The following AGAP1 variants were observed in gnomAD, a reference collection of about 807,000 sequenced individuals.
AGAP1 encodes the protein arf-GAP with GTPase, ANK repeat and PH domain-containing protein 1.
Under a neutral mutation model 105.3 loss-of-function variants are expected in AGAP1, and 29 were observed. The observed-to-expected ratio is 0.28, with a 90% CI of 0.21 to 0.38. The LOEUF (loss-of-function observed/expected upper bound fraction) is 0.38. AGAP1 is among the 10% of genes least tolerant of loss of function. The probability of loss-of-function intolerance (pLI) is 1.00; values close to 1 mark genes in which losing one functional copy is unlikely to be tolerated. For synonymous variants in AGAP1, 509 were observed against 485.9 expected, an observed-to-expected ratio of 1.05 and a Z score of -0.63; for missense variants, 998 against 1,165.1, an observed-to-expected ratio of 0.86 and a Z score of 2.09.
intron 1 of AGAP1, chr2:235,524,481 G>T: frequency 3.1e-6 from 1 of 322,362 alleles, no homozygotes. Flanking sequence ...GATGCGATGG[G>T]CAGTTGCTTG....
intron 6 of AGAP1, among the ~76,000 whole-genome samples, chr2:235,774,847 GTGAT>G (rs546434869): frequency 6.6e-6 from 1 of 152,156 alleles, no homozygotes; most frequent in South Asian, 2.1e-4. Context: ...GTTGATCTGA[GTGAT>G]TGGCGCCTGC....
rs191453692 is a variant in AGAP1 at position 236,121,957 on chromosome 2, C to G, written c.2370+1510C>G. Among the ~76,000 whole-genome samples the G allele has an allele frequency of 6.7e-6, 1 of 149,836 alleles. No individual in the cohort carries two copies. The highest frequency in any genetic ancestry group is 2.2e-4 in the South Asian group (1 of 4,610). ...CTGGTAGCTCTCTCCTTTCCCCCCA[C>G]CCCCTTCTTTTTGGGACAAAGTCTT... On this transcript the variant is annotated intron_variant, in intron 17 of 17. Transcript: ENST00000304032. The surrounding 1 kb of genome is among the most constrained non-coding windows in gnomAD (Gnocchi z 4.9).
intron 1 of AGAP1, among the ~76,000 whole-genome samples, chr2:235,699,533 C>T (rs768208646): frequency 8.5e-5 from 13 of 152,160 alleles, no homozygotes; most frequent in African/African-American, 1.4e-4. Context: ...CTTTGTAAAA[C>T]CCCTGGAGCA....
intron 2 of AGAP1, among the ~76,000 whole-genome samples, chr2:235,715,018 C>G (rs779847069): frequency 6.6e-6 from 1 of 152,062 alleles, no homozygotes; most frequent in Non-Finnish European, 1.5e-5. Context: ...AGGATGGTCT[C>G]GATCTCCTGA....
At chr2:235,945,862 GA>G (rs2053473732) in intron 12 of AGAP1, among the ~76,000 whole-genome samples, 1 of 150,478 alleles carries the variant, frequency 6.6e-6, no homozygotes, top group Non-Finnish European at 1.5e-5. Flanking sequence ...GCAGAAGGCA[GA>G]GGGGGAGCCG....
rs149902173 is a variant in AGAP1, at chr2:236,049,237, A to C, written c.2070A>C (p.Glu690Asp). 43 of 1,614,098 alleles carry C rather than the reference A, an allele frequency of 2.7e-5. No individual in the cohort carries two copies. The highest frequency in any genetic ancestry group is 3.6e-5 in the Non-Finnish European group (42 of 1,180,046). ...IGNELANSVW[E>D]ESSQGRTKPS... ...ACGAGCTAGCCAACAGCGTCTGGGA[A>C]GAGAGCAGCCAGGGGCGGACGAAAC... The change falls in exon 16 of 18, where the codon GAA becomes GAC. Residue 690 changes from glutamate (E) to aspartate (D), a missense_variant. This residue lies in a region of AGAP1 where 235 missense variants were observed against 270.7 expected (regional missense o/e 0.87). Coordinates refer to ENST00000304032, the MANE Select transcript of AGAP1 (RefSeq NM_001037131.3).
At chr2:235,757,710 C>T (rs188451047) in intron 6 of AGAP1, among the ~76,000 whole-genome samples, 24 of 152,202 alleles carry the variant, frequency 1.6e-4, no homozygotes, top group Non-Finnish European at 1.6e-4. Context: ...CAAGGTTGTG[C>T]GGGAAGTCAG....
At position 235,600,180 on chromosome 2, in the gene AGAP1, ATTC is replaced by A. The variant is rs1945682267; in HGVS notation, c.163+105333_163+105335del. ...AATCCAAAAAGCCGACACTGGAAAT[ATTC>A]TGTAGCTCATCTGGCAGCAGGGCCA... On this transcript the variant is annotated intron_variant, in intron 1 of 17. Coordinates refer to ENST00000304032, the MANE Select transcript of AGAP1 (RefSeq NM_001037131.3). The surrounding 1 kb of genome is among the most constrained non-coding windows in gnomAD (Gnocchi z 4.8). Among the ~76,000 whole-genome samples the A allele has an allele frequency of 6.6e-6, 1 of 152,190 alleles. No homozygotes were observed. Among genetic ancestry groups the A allele is most frequent in the Admixed American group, 6.5e-5 (1 of 15,282 alleles).
intron 13 of AGAP1, among the ~76,000 whole-genome samples, chr2:235,978,196 A>T (rs533644063): frequency 6.6e-6 from 1 of 152,192 alleles, no homozygotes; most frequent in Non-Finnish European, 1.5e-5. Context: ...GAGCTACAAC[A>T]TGTGAATTTT....
At chr2:235,695,234 C>T (rs953660835) in intron 1 of AGAP1, among the ~76,000 whole-genome samples, 3 of 152,156 alleles carry the variant, frequency 2.0e-5, no homozygotes, top group African/African-American at 7.2e-5. Flanking sequence ...TGAGTCAGTT[C>T]ACTCCATAAT....
chr2:235,579,621 A>G (rs1944860897), intron 1 of AGAP1, among the ~76,000 whole-genome samples: 1 of 151,968 alleles, frequency 6.6e-6, no homozygotes, highest in African/African-American at 2.4e-5. Flanking sequence ...TAAAAATACA[A>G]AGAAATTAGC....
At chr2:235,530,607 C>T (rs1226267531) in intron 1 of AGAP1, among the ~76,000 whole-genome samples, 1 of 152,180 alleles carries the variant, frequency 6.6e-6, no homozygotes, top group African/African-American at 2.4e-5. Context: ...TCAAAACCAG[C>T]TGTGTAGCAT....
intron 12 of AGAP1, among the ~76,000 whole-genome samples, chr2:235,942,685 A>AAAC (rs57575681): frequency 6.6e-6 from 1 of 150,960 alleles, no homozygotes; most frequent in Non-Finnish European, 1.5e-5. Flanking sequence ...AAAAAAAAAA[A>AAAC]TTACATTTTA....
chr2:235,669,509 C>T (rs1333525571), intron 1 of AGAP1: 2 of 149,992 alleles, frequency 1.3e-5, no homozygotes, highest in South Asian at 3.5e-4. Context: ...TCGCCGCCGC[C>T]GCCGCCGCCG....
At chr2:235,617,854 A>G (rs535283594) in intron 1 of AGAP1, among the ~76,000 whole-genome samples, 8 of 152,138 alleles carry the variant, frequency 5.3e-5, no homozygotes, top group Non-Finnish European at 8.8e-5. Context: ...AAGTAAGTGG[A>G]TGCAGTGCAT....
intron 1 of AGAP1, among the ~76,000 whole-genome samples, chr2:235,698,693 G>A (rs56020349): frequency 0.078 from 11,934 of 152,240 alleles, 1,540 homozygotes; most frequent in African/African-American, 0.27. Flanking sequence ...AACCCCTGGC[G>A]GGAGGCCGTG....
At chr2:235,915,704 G>A (rs1251611934) in intron 11 of AGAP1, among the ~76,000 whole-genome samples, 2 of 152,036 alleles carry the variant, frequency 1.3e-5, no homozygotes, top group African/African-American at 4.8e-5. Context: ...AAATACTATA[G>A]GAGAAAAAGT....
intron 10 of AGAP1, among the ~76,000 whole-genome samples, chr2:235,898,103 A>G (rs1415707480): frequency 1.3e-5 from 2 of 152,214 alleles, no homozygotes; most frequent in East Asian, 1.9e-4. Context: ...TGATGATTAC[A>G]TTAGGCTAAG....
In AGAP1 at chr2:235,728,317, G is replaced by A. The variant is rs1265284089; in HGVS notation, c.310+10673G>A. On this transcript the variant is annotated intron_variant, in intron 3 of 17. Coordinates refer to ENST00000304032, the MANE Select transcript of AGAP1 (RefSeq NM_001037131.3). The surrounding 1 kb of genome is among the most constrained non-coding windows in gnomAD (Gnocchi z 4.3). Reference sequence around the variant, plus strand: ...GCCCAGACTCTGTGTGTGTGTGTGTGTGTGTGTGTGCGTGCTCTTAAATCA... The same window carrying A: ...GCCCAGACTCTGTGTGTGTGTGTGTATGTGTGTGTGCGTGCTCTTAAATCA... Among the ~76,000 whole-genome samples the A allele has an allele frequency of 6.6e-6, 1 of 151,870 alleles. No homozygotes were observed. The highest frequency in any genetic ancestry group is 1.5e-5 in the Non-Finnish European group (1 of 68,002).
Sources: gnomAD v4.1 joint callset for allele counts (sites outside exome capture counted in the v4.1 genomes callset) on GRCh38, gnomAD v4.1.1 for gene constraint, gnomAD v4.1.1 regional missense constraint, Gnocchi (gnomAD v3.1) non-coding constraint, MANE v1.5 for transcripts, NCBI Gene and HGNC (gene_info 2026-07-23, HGNC 2026-07-21) for gene names.